LOC128125817: variants seen among roughly 807,000 people sequenced by gnomAD.
At chr1:41,605,223 GAAGA>G in the LOC128125817 span, among the ~76,000 whole-genome samples, 1 of 151,010 alleles carries the variant, frequency 6.6e-6, no homozygotes, top group African/African-American at 2.4e-5. Context: ...GGAAAGGAAG[GAAGA>G]AAGAAAAGAA....
the LOC128125817 span, among the ~76,000 whole-genome samples, chr1:41,604,029 C>T: frequency 5.3e-5 from 8 of 152,212 alleles, no homozygotes; most frequent in East Asian, 1.9e-4. Context: ...AACAAAATGA[C>T]GCCAAGTGTT....
chr1:41,612,743 TA>T, the LOC128125817 span, among the ~76,000 whole-genome samples: 1 of 152,098 alleles, frequency 6.6e-6, no homozygotes, highest in Non-Finnish European at 1.5e-5. Flanking sequence ...TTTGCTGGCT[TA>T]AAAAATGAAT....
the LOC128125817 span, among the ~76,000 whole-genome samples, chr1:41,604,016 G>A: frequency 2.1e-3 from 325 of 152,352 alleles, 1 homozygote; most frequent in South Asian, 4.8e-3. Flanking sequence ...CTAACATGAA[G>A]CAAACAAAAT....
At chr1:41,616,742 T>C in the LOC128125817 span, among the ~76,000 whole-genome samples, 1 of 151,762 alleles carries the variant, frequency 6.6e-6, no homozygotes, top group African/African-American at 2.4e-5. Context: ...CTTGTGCTAC[T>C]GCACCTGCTC....
chr1:41,608,457 G>A, the LOC128125817 span, among the ~76,000 whole-genome samples: 5 of 152,180 alleles, frequency 3.3e-5, no homozygotes, highest in Admixed American at 6.5e-5. Context: ...GGAATTTGGC[G>A]GCCACTGGCT....
chr1:41,602,379 G>T, the LOC128125817 span, among the ~76,000 whole-genome samples: 1 of 152,032 alleles, frequency 6.6e-6, no homozygotes, highest in Non-Finnish European at 1.5e-5. Flanking sequence ...CTGGTCCTGG[G>T]CTTTTCCTTG....
At chr1:41,597,667 C>G in the LOC128125817 span, among the ~76,000 whole-genome samples, 2 of 152,162 alleles carry the variant, frequency 1.3e-5, no homozygotes, top group Non-Finnish European at 2.9e-5. Flanking sequence ...CAGGCCACAC[C>G]AGCCTCACAG....
At chr1:41,587,346 A>G in the LOC128125817 span, among the ~76,000 whole-genome samples, 12 of 152,342 alleles carry the variant, frequency 7.9e-5, no homozygotes, top group East Asian at 1.9e-3. Context: ...GACTTGTACC[A>G]AAGCAGGCTG....
the LOC128125817 span, among the ~76,000 whole-genome samples, chr1:41,607,991 C>A: frequency 6.6e-6 from 1 of 152,218 alleles, no homozygotes; most frequent in African/African-American, 2.4e-5. Flanking sequence ...CTCACACGAG[C>A]CCATGGCCAC....
chr1:41,609,045 G>T, the LOC128125817 span, among the ~76,000 whole-genome samples: 7 of 151,092 alleles, frequency 4.6e-5, no homozygotes, highest in Admixed American at 2.0e-4. Context: ...GGCAACAAGA[G>T]TGAAACTCCG....
the LOC128125817 span, among the ~76,000 whole-genome samples, chr1:41,595,749 C>T: frequency 6.6e-6 from 1 of 152,136 alleles, no homozygotes; most frequent in Non-Finnish European, 1.5e-5. Context: ...AGGATAAAAG[C>T]AGGTAGAAGA....
At chr1:41,587,859 G>C in the LOC128125817 span, among the ~76,000 whole-genome samples, 1 of 152,184 alleles carries the variant, frequency 6.6e-6, no homozygotes, top group Non-Finnish European at 1.5e-5. Context: ...GGCATGATGC[G>C]CACTGCAGTC....
the LOC128125817 span, among the ~76,000 whole-genome samples, chr1:41,588,710 G>A: frequency 9.9e-5 from 15 of 152,170 alleles, no homozygotes; most frequent in Non-Finnish European, 1.6e-4. Context: ...CAGGAGCACC[G>A]TTGGCTGCCA....
the LOC128125817 span, among the ~76,000 whole-genome samples, chr1:41,598,801 A>G: frequency 8.1e-6 from 1 of 122,764 alleles, no homozygotes; most frequent in African/African-American, 3.2e-5. Context: ...ATACAGTCAC[A>G]TGATGTTATT....
At chr1:41,614,032 G>A in the LOC128125817 span, among the ~76,000 whole-genome samples, 1 of 152,216 alleles carries the variant, frequency 6.6e-6, no homozygotes, top group Non-Finnish European at 1.5e-5. Flanking sequence ...CACAATGCCT[G>A]TGAGATCACG....
the LOC128125817 span, among the ~76,000 whole-genome samples, chr1:41,593,979 C>T: frequency 2.6e-5 from 4 of 152,134 alleles, no homozygotes; most frequent in African/African-American, 7.2e-5. Context: ...AACAGCCAGC[C>T]GCATCTTTCT....
At chr1:41,625,220 C>T in the LOC128125817 span, among the ~76,000 whole-genome samples, 1 of 107,530 alleles carries the variant, frequency 9.3e-6, no homozygotes, top group Non-Finnish European at 1.8e-5. Flanking sequence ...GCAGTCAAGC[C>T]AAACGAAACA....
the LOC128125817 span, among the ~76,000 whole-genome samples, chr1:41,614,981 A>G: frequency 6.6e-6 from 1 of 152,168 alleles, no homozygotes; most frequent in Non-Finnish European, 1.5e-5. Context: ...GAGCTAGGCA[A>G]TTGGCTCTCC....
At chr1:41,601,714 A>G in the LOC128125817 span, among the ~76,000 whole-genome samples, 1 of 152,096 alleles carries the variant, frequency 6.6e-6, no homozygotes, top group African/African-American at 2.4e-5. Flanking sequence ...TTTCTGATTT[A>G]AATGTCTTTA....
Sources: allele counts gnomAD v4.1 joint callset (sites outside exome capture counted in the v4.1 genomes callset), GRCh38; gene constraint gnomAD v4.1.1; transcripts MANE v1.5.